Variants in CRIM1 observed in about 807,000 individuals in gnomAD.
CRIM1 encodes the protein cysteine-rich motor neuron 1 protein.
CRIM1 carries 32 observed loss-of-function variants against 116.4 expected under a neutral mutation model. That is an observed-to-expected ratio of 0.27 (90% CI 0.21 to 0.37). The LOEUF is 0.37. Ranked by LOEUF, CRIM1 falls within the 10% of genes least tolerant of loss-of-function variation. The pLI, the probability that CRIM1 is intolerant of heterozygous loss-of-function variation, is 1.00. For missense variants in CRIM1, 1,331 were observed against 1,354.8 expected (o/e 0.98, Z 0.28); for synonymous variants, 590 against 509.2 (o/e 1.16, Z -2.13).
intron 2 of CRIM1, among the ~76,000 whole-genome samples, chr2:36,422,642 G>A (rs1011389217): frequency 1.3e-5 from 2 of 152,216 alleles, no homozygotes; most frequent in Admixed American, 6.5e-5. Flanking sequence ...CTTCCTTAAT[G>A]ATACGATTCT....
At chr2:36,546,480 C>T (rs1051850517) in intron 15 of CRIM1, among the ~76,000 whole-genome samples, 1 of 152,036 alleles carries the variant, frequency 6.6e-6, no homozygotes, top group Non-Finnish European at 1.5e-5. Flanking sequence ...AGAGTATCAA[C>T]CAAAAGACCA....
chr2:36,538,250 C>T (rs12617489), intron 14 of CRIM1, among the ~76,000 whole-genome samples: 11,300 of 152,132 alleles, frequency 0.074, 1,096 homozygotes, highest in East Asian at 0.43. Context: ...AGTTTCCATG[C>T]CTGCATCTCC....
intron 1 of CRIM1, among the ~76,000 whole-genome samples, chr2:36,379,848 C>G (rs1420322522): frequency 7.2e-6 from 1 of 139,354 alleles, no homozygotes; most frequent in Admixed American, 7.5e-5. Flanking sequence ...TACCCACAGA[C>G]TGACTTTGTG....
In CRIM1 at chr2:36,390,971, G is replaced by A. The variant is rs139019858; in HGVS notation, c.332-5643G>A. ...ATTACAGGCATGCGCCACCATACCC[G>A]GCTAATTTTTGTGTTTTTTGTAGAG... On this transcript the variant is annotated intron_variant, in intron 1 of 16. Transcript: ENST00000280527. Among the ~76,000 whole-genome samples the A allele has an allele frequency of 7.1e-3, 1,074 of 151,702 alleles. 39 individuals carry two copies. The East Asian group carries it at 0.078, about 11-fold the overall frequency.
chr2:36,429,914 C>G (rs1674749552), intron 2 of CRIM1, among the ~76,000 whole-genome samples: 1 of 152,196 alleles, frequency 6.6e-6, no homozygotes, highest in African/African-American at 2.4e-5. Context: ...ATCAAAAAGA[C>G]TTGAACTAGA....
At chr2:36,503,845 T>G (rs148342528) in intron 8 of CRIM1, among the ~76,000 whole-genome samples, 414 of 152,274 alleles carry the variant, frequency 2.7e-3, no homozygotes, top group African/African-American at 9.2e-3. Flanking sequence ...CTGTTTTCTC[T>G]TAAGGATTAG....
chr2:36,437,469 TA>T (rs1422011790), intron 2 of CRIM1, among the ~76,000 whole-genome samples: 1 of 152,118 alleles, frequency 6.6e-6, no homozygotes, highest in African/African-American at 2.4e-5. Context: ...CTCAAGTTTA[TA>T]AATTTAAAAA....
chr2:36,398,817 C>CTT (rs1672221805), intron 2 of CRIM1, among the ~76,000 whole-genome samples: 1 of 152,120 alleles, frequency 6.6e-6, no homozygotes, highest in Non-Finnish European at 1.5e-5. Context: ...AAAAAGCATA[C>CTT]TTATATTCAG....
intron 1 of CRIM1, among the ~76,000 whole-genome samples, chr2:36,394,634 T>A (rs1283821726): frequency 6.6e-6 from 1 of 151,782 alleles, no homozygotes; most frequent in Admixed American, 6.6e-5. Context: ...CATATATATA[T>A]ATCTTATATA....
chr2:36,537,550 T>C lies in CRIM1; in HGVS notation c.2623+4T>C. 1 of 1,595,998 alleles carries C rather than the reference T, an allele frequency of 6.3e-7. No homozygotes were observed. Among genetic ancestry groups the C allele is most frequent in the Non-Finnish European group, 8.5e-7 (1 of 1,170,616 alleles). On this transcript the variant is annotated splice_donor_region_variant and intron_variant, in intron 14 of 16. Transcript: ENST00000280527. Reference sequence around the variant, plus strand: ...AGTTGCTGCCCAATGTGTCCAGGTATCTAAGCCACCATCCTTCCATTTGTC... The same window carrying C: ...AGTTGCTGCCCAATGTGTCCAGGTACCTAAGCCACCATCCTTCCATTTGTC...
intron 13 of CRIM1, among the ~76,000 whole-genome samples, chr2:36,532,581 G>T (rs190013993): frequency 5.9e-5 from 9 of 152,316 alleles, no homozygotes; most frequent in Admixed American, 3.9e-4. Context: ...TCAAGAGTCA[G>T]TGAGAAGTAA....
intron 7 of CRIM1, among the ~76,000 whole-genome samples, chr2:36,490,458 C>T (rs1338830528): frequency 2.0e-5 from 3 of 152,080 alleles, no homozygotes; most frequent in African/African-American, 4.8e-5. Context: ...TCCCAGTAGA[C>T]CCCCATTGTG....
chr2:36,450,861 A>G (rs1356643343), intron 4 of CRIM1, among the ~76,000 whole-genome samples: 1 of 152,230 alleles, frequency 6.6e-6, no homozygotes, highest in Non-Finnish European at 1.5e-5. Flanking sequence ...GCATTATGAT[A>G]ATAGAATCTT....
chr2:36,426,327 C>T (rs773994321), intron 2 of CRIM1, among the ~76,000 whole-genome samples: 1 of 152,048 alleles, frequency 6.6e-6, no homozygotes, highest in African/African-American at 2.4e-5. Context: ...GACTGAATTG[C>T]CTTTTTGAGT....
At chr2:36,378,493 T>C (rs1670486812) in intron 1 of CRIM1, 2 of 445,918 alleles carry the variant, frequency 4.5e-6, no homozygotes, top group African/African-American at 2.0e-5. Flanking sequence ...TGGGCCATAC[T>C]CTGGATGAAG....
chr2:36,356,629 G>A lies in CRIM1; in HGVS notation c.331+6G>A, dbSNP rs1463280044. Reference sequence around the variant, plus strand: ...CGAAGCGGGCGTTTGCGAAGGTACGGCCGCCCGCTGCGGGCCCCCTCCCAC... The same window carrying A: ...CGAAGCGGGCGTTTGCGAAGGTACGACCGCCCGCTGCGGGCCCCCTCCCAC... On this transcript the variant is annotated splice_donor_region_variant and intron_variant, in intron 1 of 16. Transcript: ENST00000280527. The surrounding 1 kb of genome is among the most constrained non-coding windows in gnomAD (Gnocchi z 4.3). 1 of 1,600,040 alleles carries A rather than the reference G, an allele frequency of 6.2e-7. No individual in the cohort carries two copies. Among genetic ancestry groups the A allele is most frequent in the Middle Eastern group, 1.7e-4 (1 of 6,032 alleles).
At chr2:36,434,639 A>G (rs1324068249) in intron 2 of CRIM1, among the ~76,000 whole-genome samples, 1 of 152,256 alleles carries the variant, frequency 6.6e-6, no homozygotes, top group East Asian at 1.9e-4. Context: ...CTCAATTAGT[A>G]GAGATTTCTT....
chr2:36,417,136 T>G (rs1397713095), intron 2 of CRIM1, among the ~76,000 whole-genome samples: 1 of 152,196 alleles, frequency 6.6e-6, no homozygotes, highest in Non-Finnish European at 1.5e-5. Flanking sequence ...AGTCCTTCCC[T>G]TATTCTTTTG....
rs139035602 is a variant in CRIM1 at position 36,533,241 on chromosome 2, C to T, written c.2429-4111C>T. On this transcript the variant is annotated intron_variant, in intron 13 of 16. Transcript: ENST00000280527. ...TTCCAAAACTTCCTGATGGCGTTTT[C>T]GCAAATGGGTCCCTATGTGTCATTG... 3.1e-3 allele frequency among the ~76,000 whole-genome samples: 473 copies of T among 152,162 alleles called. 7 individuals carry two copies. Among genetic ancestry groups the T allele is most frequent in the African/African-American group, 0.011 (445 of 41,522 alleles).
Sources: gnomAD v4.1 joint callset for allele counts (sites outside exome capture counted in the v4.1 genomes callset) on GRCh38, gnomAD v4.1.1 for gene constraint, Gnocchi (gnomAD v3.1) non-coding constraint, MANE v1.5 for transcripts, NCBI Gene and HGNC (gene_info 2026-07-23, HGNC 2026-07-21) for gene names.